ZNF275: variants seen among roughly 807,000 people sequenced by gnomAD.
ZNF275 encodes the protein zinc finger protein 275.
In ZNF275, 4 loss-of-function variants were observed where a neutral mutation model predicts 4.3. The observed-to-expected ratio is 0.93, with a 90% confidence interval of 0.46 to 2.13. The LOEUF (loss-of-function observed/expected upper bound fraction) is 2.13. ZNF275 is among the 30% of genes most tolerant of loss of function. The pLI is 0.02. For synonymous variants in ZNF275, 173 were observed against 166.9 expected (o/e 1.04, Z -0.28); for missense variants, 352 against 397.1 (o/e 0.89, Z 0.97).
chrX:153,338,660 C>CTG lies in ZNF275; in HGVS notation c.31+2006_31+2007dup, dbSNP rs372399918. ...ATTAAATGTGGGTGGCTTGGGAGGA[C>CTG]TGTGTGTGTGTGTGTGTGTGTGTGT... is the stretch of plus-strand genomic sequence containing the variant. On this transcript the variant is annotated intron_variant, in intron 2 of 3. Transcript: ENST00000650114. Among the ~76,000 whole-genome samples, 612 of 76,597 alleles carry CTG rather than the reference C, an allele frequency of 8.0e-3. 15 individuals carry two copies. The highest frequency in any genetic ancestry group is 0.013 in the Non-Finnish European group (481 of 37,660). The allele number at this position is 76,597 out of a possible 115,157, so 66.5% of individuals were successfully genotyped here.
Position 153,347,481 on chromosome X carries a change from G to C in ZNF275, c.796G>C (p.Asp266His). The C allele has an allele frequency of 8.3e-7, 1 of 1,202,210 alleles. No homozygotes were observed. Among genetic ancestry groups the C allele is most frequent in the Non-Finnish European group, 1.1e-6 (1 of 890,738 alleles). Residue 266 changes from aspartate (D) to histidine (H), a missense_variant, in exon 4 of 4, where the codon GAC becomes CAC. Coordinates refer to ENST00000650114, the MANE Select transcript of ZNF275 (RefSeq NM_001367757.1). ...CATGCACACTGGCCACCTGCCCTTC[G>C]ACTGCGACGACTGCGGCAAGTCCTT... The part of the protein sequence containing the change: ...QRMHTGHLPF[D>H]CDDCGKSFRG...
Position 153,347,892 on chromosome X carries a change from C to G in ZNF275, c.1207C>G (p.Arg403Gly), listed in dbSNP as rs1556961868. The G allele has an allele frequency of 8.4e-7, 1 of 1,188,891 alleles. No individual in the cohort carries two copies. The highest frequency in any genetic ancestry group is 1.1e-6 in the Non-Finnish European group (1 of 883,333). The change falls in exon 4 of 4, where the codon CGG becomes GGG. Residue 403 changes from arginine (R) to glycine (G), a missense_variant. Physicochemically the swap from Arg to Gly is moderately radical, Grantham distance 125. Coordinates refer to ENST00000650114, the MANE Select transcript of ZNF275 (RefSeq NM_001367757.1). ...SRHRRIHSGA[R>G]RCECSQCGRV... The stretch of plus-strand genomic sequence containing the variant: ...CCACCGGCGGATCCACAGTGGGGCG[C>G]GGCGCTGCGAATGCAGCCAGTGTGG...
rs782328177 is a variant in ZNF275 at position 153,341,761 on chromosome X, C to T, written c.32-3759C>T. ...TTTTCTTTTAGCACTTTAAAAATGTCATGCACTGGTTTTCTGACTTGCACA... is the reference window on the plus strand; with the variant it reads ...TTTTCTTTTAGCACTTTAAAAATGTTATGCACTGGTTTTCTGACTTGCACA... On this transcript the variant is annotated intron_variant, in intron 2 of 3. Coordinates refer to ENST00000650114, the MANE Select transcript of ZNF275 (RefSeq NM_001367757.1). 2.3e-3 allele frequency among the ~76,000 whole-genome samples: 257 copies of T among 112,529 alleles called. 2 individuals are homozygous for T. The highest frequency in any genetic ancestry group is 3.7e-3 in the Admixed American group (39 of 10,650).
chrX:153,336,571 A>C, intron 1 of ZNF275, 63 bp from the exon 2 acceptor site: 1 of 787,975 alleles, frequency 1.3e-6, no homozygotes, highest in Non-Finnish European at 1.9e-6. Context: ...AATGTGGGGG[A>C]CATGTTCCTG....
At chrX:153,337,381 G>T (rs2088453263) in intron 2 of ZNF275, among the ~76,000 whole-genome samples, 1 of 112,063 alleles carries the variant, frequency 8.9e-6, no homozygotes, top group East Asian at 2.8e-4. Flanking sequence ...AAGGCAACCA[G>T]AAAACATCTC....
intron 2 of ZNF275, among the ~76,000 whole-genome samples, chrX:153,340,038 G>A (rs1020100535): frequency 2.7e-5 from 3 of 112,438 alleles, no homozygotes; most frequent in Non-Finnish European, 5.6e-5. Flanking sequence ...AATGAATTGT[G>A]TAAGTAATTC....
At position 153,351,404 on chromosome X, in the gene ZNF275, A is replaced by T. The variant is rs1461411953; in HGVS notation, c.*3429A>T. On this transcript the variant is annotated 3_prime_UTR_variant, in exon 4 of 4. Transcript: ENST00000650114. ...CATATCCTTGTCTGTGCATTCATGCATCTACCTCATTCCGGTTTTCTTTCT... is the reference window on the plus strand; with the variant it reads ...CATATCCTTGTCTGTGCATTCATGCTTCTACCTCATTCCGGTTTTCTTTCT... 8.1e-6 allele frequency: 1 copy of T among 122,811 alleles called. No homozygotes were observed. Among genetic ancestry groups the T allele is most frequent in the Non-Finnish European group, 1.9e-5 (1 of 53,267 alleles). The allele number at this position is 122,811 out of a possible 1,213,427, so 10.1% of individuals were successfully genotyped here. A position where few individuals can be genotyped will look rare whatever the true frequency, so the allele number is the denominator to read the frequency against.
intron 2 of ZNF275, among the ~76,000 whole-genome samples, chrX:153,343,993 G>A (rs936326854): frequency 2.7e-5 from 3 of 111,920 alleles, no homozygotes; most frequent in East Asian, 2.8e-4. Flanking sequence ...GCCCTGGCTT[G>A]TCATTCAGCC....
At chrX:153,345,846 G>C (rs782362806) in intron 3 of ZNF275, among the ~76,000 whole-genome samples, 2 of 110,612 alleles carry the variant, frequency 1.8e-5, no homozygotes, top group Non-Finnish European at 3.8e-5. Context: ...TTTGGGTTAG[G>C]GTTGGGGGCC....
At chrX:153,346,763 G>A in intron 3 of ZNF275, 56 bp from the exon 4 acceptor site, 5 of 1,091,226 alleles carry the variant, frequency 4.6e-6, no homozygotes, top group Non-Finnish European at 6.1e-6. Context: ...ACAAAGGAGA[G>A]GCCCTTCCCT....
At chrX:153,344,007 A>G (rs782300845) in intron 2 of ZNF275, among the ~76,000 whole-genome samples, 6 of 112,163 alleles carry the variant, frequency 5.3e-5, no homozygotes, top group Non-Finnish European at 1.1e-4. Context: ...TTCAGCCAGC[A>G]TGTGAGAGAA....
chrX:153,343,734 AG>A (rs1481994107), intron 2 of ZNF275, among the ~76,000 whole-genome samples: 1 of 111,241 alleles, frequency 9.0e-6, no homozygotes, highest in Non-Finnish European at 1.9e-5. Flanking sequence ...AAAGTTGGAA[AG>A]GGTCTCTCAT....
Position 153,347,885 on chromosome X carries a change from T to A in ZNF275, c.1200T>A (p.Ser400Arg). The A allele has an allele frequency of 8.4e-7, 1 of 1,194,719 alleles. No individual in the cohort carries two copies. The highest frequency in any genetic ancestry group is 1.8e-5 in the South Asian group (1 of 54,794). The change falls in exon 4 of 4, where the codon AGT becomes AGA. Residue 400 changes from serine to arginine, a missense_variant. Ser to Arg is a moderately radical substitution (Grantham distance 110, BLOSUM62 -1). Transcript: ENST00000650114. The part of the protein sequence containing the change: ...SGLSRHRRIH[S>R]GARRCECSQC... ...TCAGTCGCCACCGGCGGATCCACAG[T>A]GGGGCGCGGCGCTGCGAATGCAGCC...
rs932679115 is a variant in ZNF275, at chrX:153,350,579, G to A, written c.*2604G>A. 8.1e-6 allele frequency: 1 copy of A among 123,926 alleles called. No individual in the cohort carries two copies. Among genetic ancestry groups the A allele is most frequent in the Non-Finnish European group, 1.9e-5 (1 of 53,295 alleles). The allele number at this position is 123,926 out of a possible 1,213,427, so 10.2% of individuals were successfully genotyped here. ...TGACTTCCCAGCAGCTGTGGCTGGG[G>A]ACAGGGACACTAGGAGGGCCTGGCA... On this transcript the variant is annotated 3_prime_UTR_variant, in exon 4 of 4. Transcript: ENST00000650114.
chrX:153,344,096 C>T (rs1010509698), intron 2 of ZNF275: 7 of 328,673 alleles, frequency 2.1e-5, no homozygotes, highest in African/African-American at 1.9e-4. Flanking sequence ...GCTGTCGTCA[C>T]TCATGGCCTT....
In ZNF275 at chrX:153,334,632, G is replaced by T. The variant is rs192426749; in HGVS notation, c.-47+347G>T. On this transcript the variant is annotated intron_variant, in intron 1 of 3. Transcript: ENST00000650114. ...GGGTGGGAATCGCTAAAGTGTAGAG[G>T]CCTGCTCTGCTCTTTGGGGGACGCT... Among the ~76,000 whole-genome samples, 269 of 110,955 alleles carry T rather than the reference G, an allele frequency of 2.4e-3. 3 individuals are homozygous for T. The Admixed American group carries it at 0.024, about 10-fold the overall frequency.
chrX:153,344,058 G>C (rs2088495818), intron 2 of ZNF275: 1 of 312,585 alleles, frequency 3.2e-6, no homozygotes. Flanking sequence ...GAAATCACCA[G>C]TCTCTTCCCA....
At position 153,347,935 on chromosome X, in the gene ZNF275, G is replaced by A. The variant is rs1556961885; in HGVS notation, c.1250G>A (p.Arg417His). 7.0e-6 allele frequency: 8 copies of A among 1,148,196 alleles called. No homozygotes were observed. Among genetic ancestry groups the A allele is most frequent in the East Asian group, 3.2e-5 (1 of 31,178 alleles). 94.6% of individuals were successfully genotyped at this position (1,148,196 alleles called of 1,213,427 possible). Residue 417 changes from arginine (R) to histidine (H), a missense_variant, in exon 4 of 4, where the codon CGC (arginine) becomes CAC (histidine). Coordinates refer to ENST00000650114, the MANE Select transcript of ZNF275 (RefSeq NM_001367757.1). ...CAGTGTGGCCGCGTGTTCAAGAGGC[G>A]CTCGGCACTGCAGAAGCATCAGCCA... ...CSQCGRVFKR[R>H]SALQKHQPTH...
At position 153,351,942 on chromosome X, in the gene ZNF275, A is replaced by C. The variant is rs782108318; in HGVS notation, c.*3967A>C. 2.7e-5 allele frequency: 3 copies of C among 111,977 alleles called. No individual in the cohort carries two copies. The highest frequency in any genetic ancestry group is 5.6e-5 in the Non-Finnish European group (3 of 53,241). The allele number at this position is 111,977 out of a possible 1,213,427, so 9.2% of individuals were successfully genotyped here. ...GCCATATTAATTCAGCCAGAACTGA[A>C]CACCTGACCCAAGGGCAGCAAGCAA... On this transcript the variant is annotated 3_prime_UTR_variant, in exon 4 of 4. Transcript: ENST00000650114.
Sources: gnomAD v4.1 joint callset for allele counts (sites outside exome capture counted in the v4.1 genomes callset) on GRCh38, gnomAD v4.1.1 for gene constraint, MANE v1.5 for transcripts, NCBI Gene and HGNC (gene_info 2026-07-23, HGNC 2026-07-21) for gene names.